The following MTRES1 variants were observed in gnomAD, a reference collection of about 807,000 sequenced individuals.
MTRES1 encodes mitochondrial transcription rescue factor 1, also known as uncharacterized protein C6orf203.
In MTRES1, 11 loss-of-function variants were observed where a neutral mutation model predicts 17.4. The ratio of observed to expected loss-of-function variants is 0.63; its 90% CI spans 0.40 to 1.05. The LOEUF is 1.05. Ranked by LOEUF, MTRES1 falls within the 50% of genes least tolerant of loss-of-function variation. The probability of loss-of-function intolerance (pLI) is 0.00; values close to 1 mark genes in which losing one functional copy is unlikely to be tolerated. For missense variants in MTRES1, 268 were observed against 276.2 expected, an observed-to-expected ratio of 0.97 and a Z score of 0.21; for synonymous variants, 94 against 99.6, an observed-to-expected ratio of 0.94 and a Z score of 0.34.
chr6:107,040,617 T>C (rs1381579319), intron 2 of MTRES1: 1 of 170,016 alleles, frequency 5.9e-6, no homozygotes, highest in African/African-American at 2.4e-5. Context: ...ATGCCTGTAA[T>C]CCCAGCACTT....
intron 1 of MTRES1, among the ~76,000 whole-genome samples, chr6:107,036,083 C>G (rs1773998162): frequency 6.6e-6 from 1 of 151,842 alleles, no homozygotes; most frequent in Non-Finnish European, 1.5e-5. Flanking sequence ...TTTGGGGGGG[C>G]ATCTAATTTA....
At chr6:107,031,477 C>T (rs1221108306) in intron 1 of MTRES1, among the ~76,000 whole-genome samples, 2 of 147,234 alleles carry the variant, frequency 1.4e-5, no homozygotes, top group Non-Finnish European at 3.0e-5. Context: ...GATAGAGTTT[C>T]GCTCCTGTTG....
intron 3 of MTRES1, 89 bp from the exon 4 acceptor site, chr6:107,050,968 T>G (rs1554229132): frequency 1.9e-6 from 2 of 1,066,628 alleles, no homozygotes; most frequent in East Asian, 4.7e-5. Flanking sequence ...TGGGTCATGA[T>G]CATGTGGTGA....
At chr6:107,048,956 A>C (rs1774494977) in intron 3 of MTRES1, among the ~76,000 whole-genome samples, 1 of 151,752 alleles carries the variant, frequency 6.6e-6, no homozygotes, top group Non-Finnish European at 1.5e-5. Context: ...AGAGGAAGTT[A>C]ATGGTTTAAA....
Position 107,050,035 on chromosome 6 carries a change from T to C in MTRES1, c.544-1022T>C, listed in dbSNP as rs189812566. 1.8e-4 allele frequency among the ~76,000 whole-genome samples: 28 copies of C among 152,330 alleles called. No homozygotes were observed. The East Asian group carries it at 3.1e-3, about 17-fold the overall frequency. On this transcript the variant is annotated intron_variant, in intron 3 of 3. Coordinates refer to ENST00000311381, the MANE Select transcript of MTRES1 (RefSeq NM_016487.5). Reference sequence around the variant, plus strand: ...TGTGCTCGGCCCTGTTTGGCCCTTCTTGAGTGTCTGGAAAGATCCCTTGAG... The same window carrying C: ...TGTGCTCGGCCCTGTTTGGCCCTTCCTGAGTGTCTGGAAAGATCCCTTGAG...
chr6:107,044,174 T>C, intron 2 of MTRES1, 86 bp from the exon 3 acceptor site: 1 of 896,794 alleles, frequency 1.1e-6, no homozygotes, highest in Non-Finnish European at 1.8e-6. Flanking sequence ...TTTTGTTACG[T>C]GGATATACTG....
chr6:107,049,581 T>C (rs1352232620), intron 3 of MTRES1, among the ~76,000 whole-genome samples: 1 of 151,698 alleles, frequency 6.6e-6, no homozygotes, highest in Non-Finnish European at 1.5e-5. Flanking sequence ...ACCCAGCTAA[T>C]TTTTTGTATT....
Position 107,051,077 on chromosome 6 carries a change from G to C in MTRES1, c.564G>C (p.Leu188Phe), listed in dbSNP as rs201067031. The change falls in exon 4 of 4, where the codon TTG becomes TTC. Residue 188 changes from leucine (L) to phenylalanine (F), a missense_variant. By Grantham distance (22) the Leu-to-Phe change is conservative (BLOSUM62 0). Transcript: ENST00000311381. Reference protein sequence around the residue: ...KSRTVKVGDTLDLLIGEDKEA... With the variant: ...KSRTVKVGDTFDLLIGEDKEA... ...TTCAGGTGAAAGTGGGAGATACATT[G>C]GATCTTCTCATTGGAGAGGATAAAG... 1.2e-6 allele frequency: 2 copies of C among 1,610,998 alleles called. No homozygotes were observed. Among genetic ancestry groups the C allele is most frequent in the South Asian group, 2.2e-5 (2 of 90,384 alleles).
chr6:107,040,258 A>C, intron 2 of MTRES1, 28 bp downstream of exon 2: 4 of 1,547,270 alleles, frequency 2.6e-6, no homozygotes, highest in Non-Finnish European at 3.5e-6. Context: ...TTCATTATAA[A>C]CTCGCTCGTA....
At chr6:107,045,411 G>A (rs1285276846) in intron 3 of MTRES1, among the ~76,000 whole-genome samples, 1 of 152,080 alleles carries the variant, frequency 6.6e-6, no homozygotes, top group Non-Finnish European at 1.5e-5. Flanking sequence ...ATGAACCTGG[G>A]AGGCGGAGCT....
At chr6:107,038,749 A>G (rs567039681) in intron 1 of MTRES1, among the ~76,000 whole-genome samples, 3 of 152,124 alleles carry the variant, frequency 2.0e-5, no homozygotes, top group Non-Finnish European at 4.4e-5. Context: ...TTTCTCTCCA[A>G]ATTTTCCTTT....
intron 3 of MTRES1, among the ~76,000 whole-genome samples, chr6:107,046,121 T>A (rs1035288291): frequency 2.0e-5 from 3 of 152,208 alleles, no homozygotes; most frequent in Non-Finnish European, 4.4e-5. Context: ...TGGCTGGCTG[T>A]CAGCAGCTAT....
At chr6:107,050,578 G>T (rs9373911) in intron 3 of MTRES1, among the ~76,000 whole-genome samples, 11,507 of 51,294 alleles carry the variant, frequency 0.22, 358 homozygotes, top group East Asian at 0.48. Context: ...TTTTTTTTTC[G>T]TTTTTTTCGT....
intron 1 of MTRES1, among the ~76,000 whole-genome samples, chr6:107,033,003 C>A (rs1350570039): frequency 2.6e-5 from 4 of 152,150 alleles, no homozygotes; most frequent in African/African-American, 9.7e-5. Context: ...TCCCTGGTGA[C>A]AAGGACTGTG....
chr6:107,039,035 CAA>C (rs1338452797), intron 1 of MTRES1, among the ~76,000 whole-genome samples: 3 of 151,962 alleles, frequency 2.0e-5, no homozygotes, highest in Non-Finnish European at 4.4e-5. Flanking sequence ...GCCTGGGCAA[CAA>C]GAGCAAAACT....
In MTRES1 at chr6:107,043,995, T is replaced by C. The variant is rs575316749; in HGVS notation, c.471-265T>C. Among the ~76,000 whole-genome samples, 112 of 152,254 alleles carry C rather than the reference T, an allele frequency of 7.4e-4. 1 individual carries two copies. The East Asian group carries it at 0.019, about 26-fold the overall frequency. On this transcript the variant is annotated intron_variant, in intron 2 of 3. Coordinates refer to ENST00000311381, the MANE Select transcript of MTRES1 (RefSeq NM_016487.5). ...TACAAAAGTTAGGCATGTTGATGTG[T>C]GCCTGTAGTCCCAGCTACTGGGAGG...
chr6:107,040,328 C>T (rs1554227563), intron 2 of MTRES1, 98 bp downstream of exon 2: 2 of 1,127,816 alleles, frequency 1.8e-6, no homozygotes, highest in African/African-American at 1.6e-5. Flanking sequence ...TGAAGAATAA[C>T]CACAATAAAA....
intron 2 of MTRES1, among the ~76,000 whole-genome samples, chr6:107,042,114 G>T (rs937058067): frequency 1.3e-5 from 2 of 151,900 alleles, no homozygotes; most frequent in African/African-American, 4.8e-5. Context: ...GCCAAGGCAG[G>T]TGTATCACGA....
intron 1 of MTRES1, among the ~76,000 whole-genome samples, chr6:107,035,643 G>A (rs1773983130): frequency 6.6e-6 from 1 of 151,782 alleles, no homozygotes; most frequent in Non-Finnish European, 1.5e-5. Context: ...GTGGAGTATG[G>A]CTGGTTTTAA....
Sources: gnomAD v4.1 joint callset for allele counts (sites outside exome capture counted in the v4.1 genomes callset) on GRCh38, gnomAD v4.1.1 for gene constraint, MANE v1.5 for transcripts, NCBI Gene and HGNC (gene_info 2026-07-23, HGNC 2026-07-21) for gene names.